Variants in ZDHHC3 observed in about 807,000 individuals in gnomAD.
ZDHHC3 encodes the protein zDHHC palmitoyltransferase 3, also known as palmitoyltransferase ZDHHC3.
A neutral mutation model predicts 30.6 loss-of-function variants in ZDHHC3; 9 were observed. The observed-to-expected ratio is 0.29, with a 90% CI of 0.18 to 0.51. The LOEUF is 0.51. Among genes scored for constraint, ZDHHC3 ranks in the 20% least tolerant of loss-of-function variants. The pLI is 0.97. For synonymous variants in ZDHHC3, 136 were observed against 140.2 expected, an observed-to-expected ratio of 0.97 and a Z score of 0.21; for missense variants, 246 against 384.2, an observed-to-expected ratio of 0.64 and a Z score of 3.01.
At chr3:44,964,953 C>T (rs1003101429) in intron 1 of ZDHHC3, among the ~76,000 whole-genome samples, 7 of 151,270 alleles carry the variant, frequency 4.6e-5, no homozygotes, top group African/African-American at 1.7e-4. Flanking sequence ...CCCAGAAAGG[C>T]AAAGGAACTA....
At chr3:44,942,386 T>C (rs1426627405) in intron 3 of ZDHHC3, among the ~76,000 whole-genome samples, 3 of 152,238 alleles carry the variant, frequency 2.0e-5, no homozygotes, top group Non-Finnish European at 4.4e-5. Flanking sequence ...CAGGCAACTC[T>C]ACAGGCATCC....
chr3:44,955,457 T>TTTTATATA (rs1553691497), intron 2 of ZDHHC3, among the ~76,000 whole-genome samples: 1 of 143,970 alleles, frequency 6.9e-6, no homozygotes, highest in African/African-American at 2.6e-5. Context: ...CACAAGGTTT[T>TTTTATATA]TATATATATA....
At chr3:44,963,081 C>T (rs1704620884) in intron 1 of ZDHHC3, among the ~76,000 whole-genome samples, 1 of 152,224 alleles carries the variant, frequency 6.6e-6, no homozygotes, top group African/African-American at 2.4e-5. Context: ...CTTAGAGGCA[C>T]TGTCTGCTTA....
chr3:44,945,806 C>T (rs1702879679), intron 2 of ZDHHC3, among the ~76,000 whole-genome samples: 1 of 152,168 alleles, frequency 6.6e-6, no homozygotes, highest in East Asian at 1.9e-4. Flanking sequence ...ATCCGCCCGC[C>T]TCAGCCTCCC....
At chr3:44,961,823 CAAT>C (rs1223687592) in intron 1 of ZDHHC3, among the ~76,000 whole-genome samples, 1 of 152,166 alleles carries the variant, frequency 6.6e-6, no homozygotes, top group African/African-American at 2.4e-5. Context: ...AGCTCAAAAA[CAAT>C]AATGTTTTGT....
At chr3:44,973,159 T>G (rs1705544532) in intron 1 of ZDHHC3, among the ~76,000 whole-genome samples, 1 of 152,208 alleles carries the variant, frequency 6.6e-6, no homozygotes, top group Admixed American at 6.5e-5. Context: ...GGAATTAAGA[T>G]TAACTATATA....
Position 44,926,590 on chromosome 3 carries a change from G to T in ZDHHC3, c.*99C>A. Reference sequence around the variant, plus strand: ...AGACATAAAAAAAGTTTTAAGAGTAGTTGTTTTGCTTTTTCGATTTAAACA... The same window carrying T: ...AGACATAAAAAAAGTTTTAAGAGTATTTGTTTTGCTTTTTCGATTTAAACA... On this transcript the variant is annotated 3_prime_UTR_variant, in exon 7 of 7. Coordinates refer to ENST00000424952, the MANE Select transcript of ZDHHC3 (RefSeq NM_001135179.2). The T allele has an allele frequency of 7.7e-7, 1 of 1,300,874 alleles. No individual in the cohort carries two copies. Among genetic ancestry groups the T allele is most frequent in the Non-Finnish European group, 9.8e-7 (1 of 1,017,542 alleles). 80.6% of individuals were successfully genotyped at this position (1,300,874 alleles called of 1,614,324 possible). A position where few individuals can be genotyped will look rare whatever the true frequency, so the allele number is the denominator to read the frequency against.
intron 1 of ZDHHC3, among the ~76,000 whole-genome samples, chr3:44,960,787 T>C (rs1315066354): frequency 6.6e-6 from 1 of 152,246 alleles, no homozygotes; most frequent in Non-Finnish European, 1.5e-5. Context: ...CCATGTGTGC[T>C]TCCTGAAGAC....
intron 3 of ZDHHC3, chr3:44,938,590 C>T (rs1436044005): frequency 6.6e-6 from 1 of 152,308 alleles, no homozygotes; most frequent in Non-Finnish European, 1.5e-5. Flanking sequence ...TCTCCACTAG[C>T]TTCTATAACT....
At chr3:44,960,418 T>C (rs1446926915) in intron 1 of ZDHHC3, among the ~76,000 whole-genome samples, 1 of 152,202 alleles carries the variant, frequency 6.6e-6, no homozygotes, top group African/African-American at 2.4e-5. Flanking sequence ...AGGAAATACA[T>C]CCATTCCTTC....
Position 44,926,351 on chromosome 3 carries a change from T to C in ZDHHC3, c.*338A>G. The C allele has an allele frequency of 9.8e-7, 1 of 1,024,224 alleles. No individual in the cohort carries two copies. Among genetic ancestry groups the C allele is most frequent in the African/African-American group, 1.7e-5 (1 of 58,808 alleles). The allele number at this position is 1,024,224 out of a possible 1,614,324, so 63.4% of individuals were successfully genotyped here. On this transcript the variant is annotated 3_prime_UTR_variant, in exon 7 of 7. Coordinates refer to ENST00000424952, the MANE Select transcript of ZDHHC3 (RefSeq NM_001135179.2). ...TATTCCATCCACGCACAGCGTCATG[T>C]CTCACTCAGTTAGTAGAATGGGCAC... is the stretch of plus-strand genomic sequence containing the variant.
chr3:44,961,114 C>T (rs989288467), intron 1 of ZDHHC3, among the ~76,000 whole-genome samples: 1 of 152,224 alleles, frequency 6.6e-6, no homozygotes, highest in African/African-American at 2.4e-5. Flanking sequence ...CCATCTCGGC[C>T]GGGCGCAGTG....
At chr3:44,973,082 T>C (rs1240099386) in intron 1 of ZDHHC3, among the ~76,000 whole-genome samples, 1 of 152,220 alleles carries the variant, frequency 6.6e-6, no homozygotes, top group Non-Finnish European at 1.5e-5. Flanking sequence ...CAGCACCACA[T>C]TCCATGTTCC....
chr3:44,954,569 C>T (rs1215194179), intron 2 of ZDHHC3, among the ~76,000 whole-genome samples: 1 of 152,116 alleles, frequency 6.6e-6, no homozygotes, highest in Admixed American at 6.5e-5. Context: ...AGAACTTATC[C>T]CCATCAAGTG....
chr3:44,962,442 C>G (rs1704556034), intron 1 of ZDHHC3, among the ~76,000 whole-genome samples: 1 of 141,584 alleles, frequency 7.1e-6, no homozygotes, highest in Non-Finnish European at 1.5e-5. Flanking sequence ...AGTAGAAACA[C>G]ACTTTAATCA....
Position 44,959,600 on chromosome 3 carries a change from A to G in ZDHHC3, c.-24-140T>C, listed in dbSNP as rs1704287854. 10 of 676,288 alleles carry G rather than the reference A, an allele frequency of 1.5e-5. No homozygotes were observed. In the Admixed American group the frequency reaches 2.9e-4, roughly 20 times the overall value. The allele number at this position is 676,288 out of a possible 1,614,324, so 41.9% of individuals were successfully genotyped here. ...AGCCACCTAATCACCTTGTTCATTT[A>G]AAACATGAGTTCTCTTCCCTGATTC... is the stretch of plus-strand genomic sequence containing the variant. On this transcript the variant is annotated intron_variant, in intron 1 of 6. Coordinates refer to ENST00000424952, the MANE Select transcript of ZDHHC3 (RefSeq NM_001135179.2). The surrounding 1 kb of genome is among the most constrained non-coding windows in gnomAD (Gnocchi z 4.3).
intron 1 of ZDHHC3, among the ~76,000 whole-genome samples, chr3:44,970,543 G>A (rs1286434088): frequency 6.6e-6 from 1 of 152,228 alleles, no homozygotes; most frequent in Non-Finnish European, 1.5e-5. Flanking sequence ...GAGATTCTAT[G>A]AGTCCTCTGT....
At chr3:44,946,339 C>T (rs934956044) in intron 2 of ZDHHC3, among the ~76,000 whole-genome samples, 3 of 152,174 alleles carry the variant, frequency 2.0e-5, no homozygotes, top group Non-Finnish European at 2.9e-5. Flanking sequence ...AGATTCTGCT[C>T]TGGCTGTGCA....
chr3:44,971,142 A>G (rs1705369526), intron 1 of ZDHHC3, among the ~76,000 whole-genome samples: 1 of 152,242 alleles, frequency 6.6e-6, no homozygotes, highest in Non-Finnish European at 1.5e-5. Context: ...GACTGTGGCC[A>G]GAACTGTACT....
Sources: gnomAD v4.1 joint callset for allele counts (sites outside exome capture counted in the v4.1 genomes callset) on GRCh38, gnomAD v4.1.1 for gene constraint, Gnocchi (gnomAD v3.1) non-coding constraint, MANE v1.5 for transcripts, NCBI Gene and HGNC (gene_info 2026-07-23, HGNC 2026-07-21) for gene names.